KHDRBS1: variants seen among roughly 807,000 people sequenced by gnomAD.
The protein encoded by KHDRBS1 is KH RNA binding domain containing, signal transduction associated 1.
In KHDRBS1, 7 loss-of-function variants were observed where a neutral mutation model predicts 48.4. That is an observed-to-expected ratio of 0.14 (90% CI 0.08 to 0.27). The LOEUF (loss-of-function observed/expected upper bound fraction) is 0.27. Among genes scored for constraint, KHDRBS1 ranks in the 10% least tolerant of loss-of-function variants. The pLI, the probability that KHDRBS1 is intolerant of heterozygous loss-of-function variation, is 1.00. For synonymous variants in KHDRBS1, 241 were observed against 235.8 expected (o/e 1.02, Z -0.20); for missense variants, 458 against 601.2 (o/e 0.76, Z 2.49).
chr1:32,048,099 AT>A, downstream of KHDRBS1, among the ~76,000 whole-genome samples: 1 of 152,318 alleles, frequency 6.6e-6, no homozygotes, highest in East Asian at 1.9e-4. Flanking sequence ...TTTATCTCTC[AT>A]TTTGAATGAG....
chr1:32,015,923 G>T (rs1638731098), intron 1 of KHDRBS1, among the ~76,000 whole-genome samples: 1 of 152,198 alleles, frequency 6.6e-6, no homozygotes, highest in African/African-American at 2.4e-5. Flanking sequence ...GCTCACGCCT[G>T]TAATCCCAGC....
intron 1 of KHDRBS1, among the ~76,000 whole-genome samples, chr1:32,029,549 T>C (rs1187298478): frequency 6.6e-6 from 1 of 151,900 alleles, no homozygotes; most frequent in Non-Finnish European, 1.5e-5. Context: ...CCCAGCTACT[T>C]GGGAGGCTGA....
chr1:32,040,306 C>G (rs1031149189), intron 8 of KHDRBS1, among the ~76,000 whole-genome samples: 5 of 151,996 alleles, frequency 3.3e-5, no homozygotes, highest in African/African-American at 1.2e-4. Context: ...ATCTCAGCTA[C>G]TTGGGAGGCT....
intron 5 of KHDRBS1, among the ~76,000 whole-genome samples, chr1:32,037,598 T>C (rs1309651009): frequency 6.6e-6 from 1 of 152,204 alleles, no homozygotes; most frequent in African/African-American, 2.4e-5. Context: ...CTGACCTTTA[T>C]AGAGTATTCA....
At position 32,014,197 on chromosome 1, in the gene KHDRBS1, C is replaced by A; in HGVS notation, c.202C>A (p.Pro68Thr). 7.3e-7 allele frequency: 1 copy of A among 1,378,178 alleles called. No individual in the cohort carries two copies. Among genetic ancestry groups the A allele is most frequent in the Non-Finnish European group, 9.5e-7 (1 of 1,056,854 alleles). 85.4% of individuals were successfully genotyped at this position (1,378,178 alleles called of 1,614,324 possible). A position where few individuals can be genotyped will look rare whatever the true frequency, so the allele number is the denominator to read the frequency against. ...SPATQPPPLLPPSATGPDATV... is the reference protein window; with the variant it reads ...SPATQPPPLLTPSATGPDATV... ...CGCCACGCAGCCGCCACCGCTGCTG[C>A]CGCCCTCGGCCACGGGTCCCGACGC... Residue 68 changes from proline to threonine, a missense_variant, in exon 1 of 9, where the codon CCG becomes ACG. Pro to Thr is a conservative substitution (Grantham distance 38, BLOSUM62 -1). Coordinates refer to ENST00000327300, the MANE Select transcript of KHDRBS1 (RefSeq NM_006559.3).
intron 8 of KHDRBS1, among the ~76,000 whole-genome samples, chr1:32,042,241 G>A (rs947859639): frequency 3.9e-5 from 6 of 152,196 alleles, no homozygotes; most frequent in South Asian, 2.1e-4. Flanking sequence ...GGGGACTGGC[G>A]TACAGATCAC....
chr1:32,015,760 A>G (rs1638727522), intron 1 of KHDRBS1, among the ~76,000 whole-genome samples: 1 of 152,190 alleles, frequency 6.6e-6, no homozygotes, highest in South Asian at 2.1e-4. Context: ...AAGTGTTAAT[A>G]TATGTTGAGC....
At chr1:32,055,745 C>T (rs1036147262) in intron 10 of KHDRBS1, among the ~76,000 whole-genome samples, 1 of 152,076 alleles carries the variant, frequency 6.6e-6, no homozygotes, top group Non-Finnish European at 1.5e-5. Context: ...GGGCACTGCA[C>T]CCTAGTCCTA....
At chr1:32,034,105 T>G (rs142199777) in intron 4 of KHDRBS1, among the ~76,000 whole-genome samples, 1 of 152,220 alleles carries the variant, frequency 6.6e-6, no homozygotes, top group Non-Finnish European at 1.5e-5. Flanking sequence ...TGGAGACTTA[T>G]GAAGGATTTG....
In KHDRBS1 at chr1:32,033,232, G is replaced by A; in HGVS notation, c.669G>A (p.Leu223=). 1 of 1,614,104 alleles carries A rather than the reference G, an allele frequency of 6.2e-7. No homozygotes were observed. The highest frequency in any genetic ancestry group is 1.7e-5 in the Admixed American group (1 of 60,020). ...GTGGAGACCCCAAATATGCCCACTTGAATATGGATCTGCATGTCTTCATTG... is the reference window on the plus strand; with the variant it reads ...GTGGAGACCCCAAATATGCCCACTTAAATATGGATCTGCATGTCTTCATTG... ...RKGGDPKYAH[L]NMDLHVFIEV... is the part of the protein sequence containing the mutation. Residue 223 remains leucine (L), a synonymous_variant, in exon 4 of 9, where the codon TTG becomes TTA. Coordinates refer to ENST00000327300, the MANE Select transcript of KHDRBS1 (RefSeq NM_006559.3).
At chr1:32,050,397 T>C (rs1639404190) in intron 10 of KHDRBS1, among the ~76,000 whole-genome samples, 1 of 152,222 alleles carries the variant, frequency 6.6e-6, no homozygotes, top group Admixed American at 6.5e-5. Flanking sequence ...AAGTCCAGTT[T>C]ATCTGTTTTT....
chr1:32,046,753 A>G (rs886096670), downstream of KHDRBS1, among the ~76,000 whole-genome samples: 1 of 152,072 alleles, frequency 6.6e-6, no homozygotes. Flanking sequence ...CGCATATAGA[A>G]CCTTTCACAG....
chr1:32,019,041 G>A (rs905800534), intron 1 of KHDRBS1, among the ~76,000 whole-genome samples: 3 of 151,756 alleles, frequency 2.0e-5, no homozygotes, highest in African/African-American at 7.3e-5. Flanking sequence ...TTTGCAGTGA[G>A]CCGAGATTGC....
At position 32,013,871 on chromosome 1, in the gene KHDRBS1, T is replaced by G; in HGVS notation, c.-125T>G. 1.1e-6 allele frequency: 1 copy of G among 934,452 alleles called. No individual in the cohort carries two copies. The allele number at this position is 934,452 out of a possible 1,614,324, so 57.9% of individuals were successfully genotyped here. ...GCCGCCTCATTTCCGGTGCTCTCTCTCGCTGGGTCGCTCGGGTCGGCTTCG... is the reference window on the plus strand; with the variant it reads ...GCCGCCTCATTTCCGGTGCTCTCTCGCGCTGGGTCGCTCGGGTCGGCTTCG... On this transcript the variant is annotated 5_prime_UTR_variant, in exon 1 of 9. Transcript: ENST00000327300.
intron 10 of KHDRBS1, among the ~76,000 whole-genome samples, chr1:32,059,469 G>A (rs1353424424): frequency 6.6e-6 from 1 of 151,572 alleles, no homozygotes; most frequent in African/African-American, 2.4e-5. Context: ...TAGCCCAGGA[G>A]ATCAAGGCTG....
chr1:32,016,656 A>G (rs1638745986), intron 1 of KHDRBS1, among the ~76,000 whole-genome samples: 1 of 152,150 alleles, frequency 6.6e-6, no homozygotes, highest in South Asian at 2.1e-4. Context: ...CATTCCCAAT[A>G]AGGTACCGTG....
intron 1 of KHDRBS1, among the ~76,000 whole-genome samples, chr1:32,024,564 C>T (rs971278809): frequency 2.6e-5 from 4 of 151,848 alleles, no homozygotes; most frequent in African/African-American, 9.7e-5. Flanking sequence ...TGGGCTCAAG[C>T]AATCCTCCCA....
chr1:32,036,435 C>T (rs1639185101), intron 4 of KHDRBS1, among the ~76,000 whole-genome samples: 1 of 152,094 alleles, frequency 6.6e-6, no homozygotes, highest in African/African-American at 2.4e-5. Context: ...TCCCAAAGTG[C>T]TGGGATTACA....
In KHDRBS1 at chr1:32,043,649, T is replaced by C. The variant is rs905089737; in HGVS notation, c.*1025T>C. The C allele has an allele frequency of 1.3e-5, 2 of 152,640 alleles. No individual in the cohort carries two copies. Among genetic ancestry groups the C allele is most frequent in the African/African-American group, 4.8e-5 (2 of 41,456 alleles). The allele number at this position is 152,640 out of a possible 1,614,324, so 9.5% of individuals were successfully genotyped here. A position where few individuals can be genotyped will look rare whatever the true frequency, so the allele number is the denominator to read the frequency against. ...GAACTGTTCCCAAGTTAGTCAAGTA[T>C]GTCTCAACACTAGCATGATATAAAA... On this transcript the variant is annotated 3_prime_UTR_variant, in exon 9 of 9. Transcript: ENST00000327300.
Sources: gnomAD v4.1 joint callset for allele counts (sites outside exome capture counted in the v4.1 genomes callset) on GRCh38, gnomAD v4.1.1 for gene constraint, MANE v1.5 for transcripts, NCBI Gene and HGNC (gene_info 2026-07-23, HGNC 2026-07-21) for gene names.